L3MBTL3: variants seen among roughly 807,000 people sequenced by gnomAD.
L3MBTL3 encodes the protein L3MBTL histone methyl-lysine binding protein 3, also known as lethal(3)malignant brain tumor-like protein 3.
Under a neutral mutation model 102.3 loss-of-function variants are expected in L3MBTL3, and 27 were observed. That is an observed-to-expected ratio of 0.26 (90% CI 0.19 to 0.36). L3MBTL3 has a LOEUF of 0.36. Among genes scored for constraint, L3MBTL3 ranks in the 10% least tolerant of loss-of-function variants. L3MBTL3 has a pLI of 1.00. For synonymous variants in L3MBTL3, 340 were observed against 320.9 expected (o/e 1.06, Z -0.64); for missense variants, 798 against 955.3 (o/e 0.84, Z 2.17).
chr6:130,051,010 A>G (rs1199832759), intron 5 of L3MBTL3, among the ~76,000 whole-genome samples: 1 of 152,208 alleles, frequency 6.6e-6, no homozygotes, highest in Non-Finnish European at 1.5e-5. Context: ...ACTCTGTAGA[A>G]AAAGCCTTGG....
intron 18 of L3MBTL3, among the ~76,000 whole-genome samples, chr6:130,104,141 G>A (rs970815181): frequency 2.6e-5 from 4 of 152,186 alleles, no homozygotes; most frequent in Non-Finnish European, 5.9e-5. Flanking sequence ...ATTGTTTCCA[G>A]AGATATGCAC....
intron 1 of L3MBTL3, among the ~76,000 whole-genome samples, chr6:130,020,072 T>G (rs1244517740): frequency 2.1e-5 from 3 of 142,578 alleles, no homozygotes; most frequent in South Asian, 2.3e-4. Flanking sequence ...TCCTGCAACT[T>G]GTTTACGCCT....
chr6:130,054,060 C>A (rs960288917), intron 7 of L3MBTL3, among the ~76,000 whole-genome samples: 2 of 152,128 alleles, frequency 1.3e-5, no homozygotes, highest in Non-Finnish European at 2.9e-5. Flanking sequence ...TCAGGGAGCC[C>A]TCTCAAAGAC....
chr6:130,055,142 A>G (rs760087123), intron 7 of L3MBTL3, 29 bp from the exon 8 acceptor site: 2 of 1,573,910 alleles, frequency 1.3e-6, no homozygotes, highest in Non-Finnish European at 1.7e-6. Flanking sequence ...CTTGAACTTT[A>G]AAGTCATAAT....
At chr6:130,020,334 C>T (rs1778902054) in intron 1 of L3MBTL3, among the ~76,000 whole-genome samples, 2 of 149,988 alleles carry the variant, frequency 1.3e-5, no homozygotes, top group African/African-American at 2.5e-5. Context: ...GTGGGGGCCG[C>T]CGGGCGGGGA....
At chr6:130,056,832 G>A in intron 8 of L3MBTL3, among the ~76,000 whole-genome samples, 1 of 151,848 alleles carries the variant, frequency 6.6e-6, no homozygotes, top group East Asian at 1.9e-4. Flanking sequence ...CATCCCCAAA[G>A]TACCTTTCTC....
rs551281061 is a variant in L3MBTL3 at position 130,116,053 on chromosome 6, A to G, written c.1887-4826A>G. On this transcript the variant is annotated intron_variant, in intron 19 of 22. Transcript: ENST00000361794. ...AGCTAGTCCGTAGCAGACCTGGGTT[A>G]TAACCCAGACAGTCTGACTGTAGTC... 2.0e-5 allele frequency among the ~76,000 whole-genome samples: 3 copies of G among 152,356 alleles called. No individual in the cohort carries two copies. In the South Asian group the frequency reaches 6.2e-4, roughly 32 times the overall value.
chr6:130,139,967 T>C lies in L3MBTL3; in HGVS notation c.*214T>C. The C allele has an allele frequency of 3.5e-6, 1 of 284,436 alleles. No homozygotes were observed. The highest frequency in any genetic ancestry group is 4.5e-5 in the South Asian group (1 of 22,186). The allele number at this position is 284,436 out of a possible 1,614,324, so 17.6% of individuals were successfully genotyped here. A position where few individuals can be genotyped will look rare whatever the true frequency, so the allele number is the denominator to read the frequency against. On this transcript the variant is annotated 3_prime_UTR_variant, in exon 23 of 23. Transcript: ENST00000361794. ...GTACTGTCTAACAACAGTCATCTTT[T>C]GGTTCTGTTCACTGAGCTAAATTTA...
intron 14 of L3MBTL3, among the ~76,000 whole-genome samples, chr6:130,082,429 GT>G (rs1783424050): frequency 6.6e-6 from 1 of 152,092 alleles, no homozygotes; most frequent in African/African-American, 2.4e-5. Flanking sequence ...CAATTTATCT[GT>G]ATCAGTGTAG....
At chr6:130,074,100 A>C (rs1316983294) in intron 13 of L3MBTL3, among the ~76,000 whole-genome samples, 4 of 152,212 alleles carry the variant, frequency 2.6e-5, no homozygotes, top group Non-Finnish European at 5.9e-5. Context: ...TTGAGGTTAC[A>C]GATTGGGTTG....
intron 6 of L3MBTL3, 129 bp downstream of exon 6, chr6:130,051,537 C>G (rs1164168089): frequency 4.9e-6 from 4 of 820,190 alleles, no homozygotes; most frequent in Non-Finnish European, 7.7e-6. Flanking sequence ...GAGACTTTTC[C>G]TTTAGGGCCA....
In L3MBTL3 at chr6:130,018,627, C is replaced by T. The variant is rs1334584366; in HGVS notation, c.-132C>T. ...AGCCCTGGACCATTTGTCAGGACTA[C>T]TCGTGAGACGGAGAAAAAAAAAAGA... On this transcript the variant is annotated 5_prime_UTR_variant, in exon 1 of 23. Coordinates refer to ENST00000361794, the MANE Select transcript of L3MBTL3 (RefSeq NM_032438.4). 1 of 153,234 alleles carries T rather than the reference C, an allele frequency of 6.5e-6. No individual in the cohort carries two copies. The highest frequency in any genetic ancestry group is 1.5e-5 in the Non-Finnish European group (1 of 68,240). The allele number at this position is 153,234 out of a possible 1,614,324, so 9.5% of individuals were successfully genotyped here.
intron 5 of L3MBTL3, among the ~76,000 whole-genome samples, chr6:130,050,756 G>A (rs1387782560): frequency 6.6e-6 from 1 of 152,186 alleles, no homozygotes; most frequent in Non-Finnish European, 1.5e-5. Flanking sequence ...AAGGAAATGC[G>A]AGTTTCTACA....
rs59144902 is a variant in L3MBTL3, at chr6:130,133,640, G to T, written c.2136+19G>T. On this transcript the variant is annotated intron_variant, in intron 21 of 22. Transcript: ENST00000361794. This position sits in a 1 kb window ranked among gnomAD's most constrained non-coding sequence, Gnocchi z 4.9. ...AGACGAGGTATATTTTATTTTCTTTGCTGCCCGACACCAGATACAGGATTA... is the reference window on the plus strand; with the variant it reads ...AGACGAGGTATATTTTATTTTCTTTTCTGCCCGACACCAGATACAGGATTA... 5,858 of 1,610,986 alleles carry T rather than the reference G, an allele frequency of 3.6e-3. 205 individuals are homozygous for T. The African/African-American group carries it at 0.07, about 19-fold the overall frequency.
chr6:130,019,925 T>TGCCGCGCCGC (rs1379598586), intron 1 of L3MBTL3, among the ~76,000 whole-genome samples: 1 of 133,270 alleles, frequency 7.5e-6, no homozygotes, highest in African/African-American at 2.7e-5. Flanking sequence ...CCCCGCGCCG[T>TGCCGCGCCGC]GCCGCGCCGC....
In L3MBTL3 at chr6:130,092,810, C is replaced by T. The variant is rs779460024; in HGVS notation, c.1584C>T (p.His528=). The T allele has an allele frequency of 1.2e-6, 2 of 1,613,250 alleles. No individual in the cohort carries two copies. Among genetic ancestry groups the T allele is most frequent in the Middle Eastern group, 1.7e-4 (1 of 6,058 alleles). ...YWIDADSPDI[H]PVGWCSKTGH... ...TAGATGCAGATTCTCCTGATATTCA[C>T]CCTGTAGGCTGGTGTTCAAAAACAG... is the stretch of plus-strand genomic sequence containing the variant. The change falls in exon 17 of 23, where the codon CAC becomes CAT. Residue 528 remains histidine, a synonymous_variant. Transcript: ENST00000361794.
In L3MBTL3 at chr6:130,133,819, G is replaced by C. The variant is rs199755683; in HGVS notation, c.2137-24G>C. The C allele has an allele frequency of 8.1e-6, 13 of 1,599,128 alleles. No individual in the cohort carries two copies. In the East Asian group the frequency reaches 2.5e-4, roughly 30 times the overall value. On this transcript the variant is annotated intron_variant, in intron 21 of 22. Coordinates refer to ENST00000361794, the MANE Select transcript of L3MBTL3 (RefSeq NM_032438.4). The surrounding 1 kb of genome is among the most constrained non-coding windows in gnomAD (Gnocchi z 4.9). ...GATTCTGACTGTGTTTTTTAACTGGGAATTTTGATATTGCTTTTGACAGGT... is the reference window on the plus strand; with the variant it reads ...GATTCTGACTGTGTTTTTTAACTGGCAATTTTGATATTGCTTTTGACAGGT...
At chr6:130,091,557 TATA>T (rs1425916008) in intron 16 of L3MBTL3, among the ~76,000 whole-genome samples, 1 of 152,094 alleles carries the variant, frequency 6.6e-6, no homozygotes, top group East Asian at 1.9e-4. Flanking sequence ...GTGACTGCTT[TATA>T]ATAAGACATA....
intron 2 of L3MBTL3, among the ~76,000 whole-genome samples, chr6:130,039,237 A>G (rs1397786047): frequency 6.6e-6 from 1 of 152,110 alleles, no homozygotes; most frequent in African/African-American, 2.4e-5. Flanking sequence ...ACATCATTTC[A>G]TCTATTCCTT....
Sources: gnomAD v4.1 joint callset for allele counts (sites outside exome capture counted in the v4.1 genomes callset) on GRCh38, gnomAD v4.1.1 for gene constraint, Gnocchi (gnomAD v3.1) non-coding constraint, MANE v1.5 for transcripts, NCBI Gene and HGNC (gene_info 2026-07-23, HGNC 2026-07-21) for gene names.